Variants in SMPD4 observed in about 807,000 individuals in gnomAD.
SMPD4 encodes the protein neutral sphingomyelinase 3.
In SMPD4, 58 loss-of-function variants were observed where a neutral mutation model predicts 97.8. That is an observed-to-expected ratio of 0.59 (90% CI 0.48 to 0.74). SMPD4 has a LOEUF of 0.74. Among genes scored for constraint, SMPD4 ranks in the 30% least tolerant of loss-of-function variants. The pLI, the probability that SMPD4 is intolerant of heterozygous loss-of-function variation, is 0.00. For missense variants in SMPD4, 853 were observed against 1,080.5 expected, an observed-to-expected ratio of 0.79 and a Z score of 2.95; for synonymous variants, 388 against 450.0, an observed-to-expected ratio of 0.86 and a Z score of 1.74.
At chr2:130,153,678 T>C (rs1285638428) in intron 17 of SMPD4, 24 bp downstream of exon 17, 2 of 1,609,886 alleles carry the variant, frequency 1.2e-6, no homozygotes, top group Non-Finnish European at 1.7e-6. Context: ...CTGATGGCGG[T>C]GGGGCAGGCC....
At chr2:130,181,483 C>A (rs1177446442) in intron 1 of SMPD4, 47 bp downstream of exon 1, 1 of 1,562,334 alleles carries the variant, frequency 6.4e-7, no homozygotes, top group Non-Finnish European at 8.7e-7. Context: ...CTCGGGGAAG[C>A]CCCCAGGGCG....
chr2:130,177,724 T>C (rs1573735942), intron 1 of SMPD4, among the ~76,000 whole-genome samples: 3 of 151,860 alleles, frequency 2.0e-5, no homozygotes, highest in East Asian at 3.9e-4. Flanking sequence ...AAAGAAATAC[T>C]GTTCTCCTGC....
rs138873524 is a variant in SMPD4 at position 130,167,488 on chromosome 2, G to C, written c.762C>G (p.His254Gln). ...GCAGAGTTTCTGACCTCCAGATCTC[G>C]TGGGAGGCGGGGTCTGCATTCACAG... is the stretch of plus-strand genomic sequence containing the variant. ...QTSVNADPAS[H>Q]EIWRSETLLQ... The change falls in exon 9 of 20, where the codon CAC becomes CAG. Residue 254 changes from histidine to glutamine, a missense_variant. Coordinates refer to ENST00000680298, the MANE Select transcript of SMPD4 (RefSeq NM_017951.5). 1 of 1,613,642 alleles carries C rather than the reference G, an allele frequency of 6.2e-7. No individual in the cohort carries two copies. Among genetic ancestry groups the C allele is most frequent in the African/African-American group, 1.3e-5 (1 of 74,894 alleles).
At chr2:130,162,243 C>G (rs2599761) in intron 10 of SMPD4, among the ~76,000 whole-genome samples, 17 of 152,342 alleles carry the variant, frequency 1.1e-4, no homozygotes, top group South Asian at 2.1e-4. Context: ...GACCCTCCGA[C>G]CTGCTGCCCT....
rs747679978 is a variant in SMPD4 at position 130,172,834 on chromosome 2, T to G, written c.407A>C (p.Lys136Thr). The G allele has an allele frequency of 4.3e-6, 7 of 1,614,086 alleles. No homozygotes were observed. In the South Asian group the frequency reaches 6.6e-5, roughly 15 times the overall value. Residue 136 changes from lysine to threonine, a missense_variant, in exon 6 of 20, where the codon AAG becomes ACG. This residue lies in a region of SMPD4 where 313 missense variants were observed against 402.2 expected (regional missense o/e 0.78). Coordinates refer to ENST00000680298, the MANE Select transcript of SMPD4 (RefSeq NM_017951.5). ...GCCCCCAGTAGGGGTGAACTGGACC[T>G]TGTTGTGGTACAGAGGACTGTCAGG... ...ILPDSPLYHN[K>T]VQFTPTGGLG...
chr2:130,159,460 G>A (rs1452211289), intron 11 of SMPD4: 2 of 152,100 alleles, frequency 1.3e-5, no homozygotes, highest in Admixed American at 6.5e-5. Flanking sequence ...CCAATATGGT[G>A]AAACTACATC....
At chr2:130,158,888 TG>T (rs1430737488) in intron 11 of SMPD4, among the ~76,000 whole-genome samples, 4 of 152,216 alleles carry the variant, frequency 2.6e-5, no homozygotes, top group African/African-American at 9.6e-5. Flanking sequence ...CACGGGCCAC[TG>T]CCCATATCGC....
At position 130,164,362 on chromosome 2, in the gene SMPD4, C is replaced by CTG. The variant is rs1274950876; in HGVS notation, c.864+10_864+11dup. The CTG allele has an allele frequency of 1.2e-6, 2 of 1,605,896 alleles. No individual in the cohort carries two copies. Among genetic ancestry groups the CTG allele is most frequent in the Non-Finnish European group, 1.7e-6 (2 of 1,172,750 alleles). On this transcript the variant is annotated intron_variant, in intron 10 of 19. Coordinates refer to ENST00000680298, the MANE Select transcript of SMPD4 (RefSeq NM_017951.5). Reference sequence around the variant, plus strand: ...CAGAAGCAGGAGGTGGGAAGAAAAACTGAAAACATACCTTGGCATGAGGGG... The same window carrying CTG: ...CAGAAGCAGGAGGTGGGAAGAAAAACTGTGAAAACATACCTTGGCATGAGGGG...
chr2:130,165,045 G>A (rs1211590336), intron 9 of SMPD4, among the ~76,000 whole-genome samples: 1 of 141,686 alleles, frequency 7.1e-6, no homozygotes, highest in Non-Finnish European at 1.5e-5. Flanking sequence ...AGGAGTTTGA[G>A]ACTGCAGTGA....
chr2:130,170,570 A>G (rs1688357005), intron 8 of SMPD4, among the ~76,000 whole-genome samples: 1 of 151,656 alleles, frequency 6.6e-6, no homozygotes, highest in Non-Finnish European at 1.5e-5. Flanking sequence ...GTTCTAGAGC[A>G]GCCTGGGCAA....
At chr2:130,171,710 G>A (rs754904182) in intron 8 of SMPD4, among the ~76,000 whole-genome samples, 5 of 152,352 alleles carry the variant, frequency 3.3e-5, no homozygotes, top group African/African-American at 1.2e-4. Context: ...GGGTGGGCCA[G>A]CATCTGCAGG....
chr2:130,153,837 T>C lies in SMPD4; in HGVS notation c.1758A>G (p.Ser586=), dbSNP rs150720124. 2.1e-3 allele frequency: 3,336 copies of C among 1,613,862 alleles called. 16 individuals are homozygous for C. The highest frequency in any genetic ancestry group is 0.011 in the South Asian group (994 of 91,074). Reference sequence around the variant, plus strand: ...TGTCCATGGAGCTAAAGCCCAGCCATGAGAGGAAGGAGTGGCCAGCCGGGC... The same window carrying C: ...TGTCCATGGAGCTAAAGCCCAGCCACGAGAGGAAGGAGTGGCCAGCCGGGC... ...AESPAGHSFL[S]WLGFSSMDTN... is the part of the protein sequence containing the mutation. The change falls in exon 17 of 20, where the codon TCA becomes TCG. Residue 586 remains serine (S), a synonymous_variant. Transcript: ENST00000680298.
At chr2:130,160,179 G>A (rs1687253756) in intron 11 of SMPD4, among the ~76,000 whole-genome samples, 1 of 152,152 alleles carries the variant, frequency 6.6e-6, no homozygotes, top group South Asian at 2.1e-4. Context: ...CCACCATGGG[G>A]TTTGCCAGAT....
intron 8 of SMPD4, among the ~76,000 whole-genome samples, chr2:130,171,366 G>A (rs1688450432): frequency 1.3e-5 from 2 of 151,944 alleles, no homozygotes; most frequent in Admixed American, 6.6e-5. Context: ...GCCTCCCAAA[G>A]TGCTGGGATT....
chr2:130,174,874 A>G (rs564216662), intron 3 of SMPD4, 40 bp downstream of exon 3: 6 of 1,432,058 alleles, frequency 4.2e-6, no homozygotes, highest in South Asian at 2.3e-5. Context: ...CAACGAATGT[A>G]TAAGACATGC....
chr2:130,169,557 A>G (rs1007047372), intron 8 of SMPD4, among the ~76,000 whole-genome samples: 1 of 151,998 alleles, frequency 6.6e-6, no homozygotes, highest in African/African-American at 2.4e-5. Context: ...AAGATCTATG[A>G]AAGTTTCTTT....
At chr2:130,173,916 T>C (rs923420406) in intron 3 of SMPD4, among the ~76,000 whole-genome samples, 1 of 150,748 alleles carries the variant, frequency 6.6e-6, no homozygotes, top group Non-Finnish European at 1.5e-5. Context: ...CAGCCTCCGA[T>C]CAAAATACAT....
rs199946911 is a variant in SMPD4 at position 130,156,022 on chromosome 2, A to G, written c.1289+13T>C. ...GAGCCAGTGGCATGTCTGTGAGAGGAGCTGAGGCTCACCATTTCTCCGACA... is the reference window on the plus strand; with the variant it reads ...GAGCCAGTGGCATGTCTGTGAGAGGGGCTGAGGCTCACCATTTCTCCGACA... On this transcript the variant is annotated intron_variant, in intron 14 of 19. Coordinates refer to ENST00000680298, the MANE Select transcript of SMPD4 (RefSeq NM_017951.5). The G allele has an allele frequency of 2.1e-3, 3,389 of 1,609,160 alleles. 8 individuals are homozygous for G. The highest frequency in any genetic ancestry group is 5.2e-3 in the African/African-American group (390 of 74,730).
chr2:130,173,804 CT>C, intron 3 of SMPD4, 148 bp from the exon 4 acceptor site: 2 of 1,036,722 alleles, frequency 1.9e-6, no homozygotes, highest in Non-Finnish European at 2.8e-6. Flanking sequence ...CAAAGGAAGC[CT>C]GGTGCCATGG....
Sources: gnomAD v4.1 joint callset for allele counts (sites outside exome capture counted in the v4.1 genomes callset) on GRCh38, gnomAD v4.1.1 for gene constraint, gnomAD v4.1.1 regional missense constraint, MANE v1.5 for transcripts, NCBI Gene and HGNC (gene_info 2026-07-23, HGNC 2026-07-21) for gene names.